Variants in THOC5 observed in about 807,000 individuals in gnomAD.
The protein encoded by THOC5 is THO complex subunit 5, also known as Fms-interacting protein.
THOC5 carries 43 observed loss-of-function variants against 92.9 expected under a neutral mutation model. The ratio of observed to expected loss-of-function variants is 0.46; its 90% CI spans 0.36 to 0.60. The LOEUF (loss-of-function observed/expected upper bound fraction) is 0.60. Among genes scored for constraint, THOC5 ranks in the 20% least tolerant of loss-of-function variants. The probability of loss-of-function intolerance (pLI) is 0.00; values close to 1 mark genes in which losing one functional copy is unlikely to be tolerated. For missense variants in THOC5, 659 were observed against 849.4 expected (o/e 0.78, Z 2.79); for synonymous variants, 296 against 320.1 (o/e 0.92, Z 0.80).
chr22:29,532,605 C>T (rs997661250), intron 7 of THOC5, among the ~76,000 whole-genome samples: 2 of 152,088 alleles, frequency 1.3e-5, no homozygotes, highest in Non-Finnish European at 2.9e-5. Context: ...GTGGAGGTTG[C>T]GGTGAGCCGA....
At position 29,537,690 on chromosome 22, in the gene THOC5, G is replaced by A. The variant is rs142038286; in HGVS notation, c.600-952C>T. Among the ~76,000 whole-genome samples, 1,182 of 152,250 alleles carry A rather than the reference G, an allele frequency of 7.8e-3. 16 individuals carry two copies. The highest frequency in any genetic ancestry group is 0.027 in the Admixed American group (407 of 15,294). The stretch of plus-strand genomic sequence containing the variant: ...GTGAATCACGAGGTCAAGAGGTAGA[G>A]ACCATCCTGGCCAACATGGTGAAAC... On this transcript the variant is annotated intron_variant, in intron 6 of 19. Transcript: ENST00000490103.
At chr22:29,541,591 G>C (rs1042003308) in intron 5 of THOC5, among the ~76,000 whole-genome samples, 13 of 150,956 alleles carry the variant, frequency 8.6e-5, no homozygotes, top group African/African-American at 2.9e-4. Flanking sequence ...ACCGGGTGTG[G>C]TGGCTCACGC....
chr22:29,511,758 G>A (rs2063228149), intron 18 of THOC5, among the ~76,000 whole-genome samples: 1 of 152,180 alleles, frequency 6.6e-6, no homozygotes, highest in Non-Finnish European at 1.5e-5. Flanking sequence ...TTTTATAGGA[G>A]CCCAAGCCAA....
intron 3 of THOC5, 104 bp from the exon 4 acceptor site, chr22:29,543,646 C>A: frequency 3.0e-6 from 2 of 674,770 alleles, no homozygotes; most frequent in Admixed American, 2.6e-5. Flanking sequence ...AAAACGGCAC[C>A]GGAGGGAGCT....
In THOC5 at chr22:29,525,842, C is replaced by A. The variant is rs1166082247; in HGVS notation, c.1171G>T (p.Ala391Ser). 1.9e-6 allele frequency: 3 copies of A among 1,613,442 alleles called. No homozygotes were observed. Among genetic ancestry groups the A allele is most frequent in the South Asian group, 1.1e-5 (1 of 91,056 alleles). ...CCCAGAGCGCCTGCTCAATACCCTG[C>A]ACTGATGGGGGTGATCAGCTCCATG... Reference protein sequence around the residue: ...TAMELITPISAGDLLSPDSVL... With the variant: ...TAMELITPISSGDLLSPDSVL... The change falls in exon 12 of 20, where the codon GCA becomes TCA. Residue 391 changes from alanine (A) to serine (S), a missense_variant. Coordinates refer to ENST00000490103, the MANE Select transcript of THOC5 (RefSeq NM_003678.5).
chr22:29,540,629 G>A (rs1233891179), intron 5 of THOC5, among the ~76,000 whole-genome samples: 2 of 152,186 alleles, frequency 1.3e-5, no homozygotes, highest in African/African-American at 4.8e-5. Context: ...TTCCATTTGG[G>A]TGATGATTAC....
chr22:29,548,953 A>G, intron 2 of THOC5, 99 bp downstream of exon 2: 1 of 1,128,630 alleles, frequency 8.9e-7, no homozygotes, highest in Non-Finnish European at 1.3e-6. Context: ...AAAAAGTTGT[A>G]CCTGGTAGAT....
At chr22:29,549,266 C>T (rs2064093030) in intron 1 of THOC5, 108 bp from the exon 2 acceptor site, 2 of 864,734 alleles carry the variant, frequency 2.3e-6, no homozygotes. Context: ...AGTCATTTAA[C>T]CCCTCAAAGC....
chr22:29,530,842 C>T (rs1253922274), intron 8 of THOC5, among the ~76,000 whole-genome samples: 7 of 152,236 alleles, frequency 4.6e-5, no homozygotes, highest in African/African-American at 1.2e-4. Context: ...GAGCCTGAAA[C>T]GGTTTGCCTA....
intron 8 of THOC5, chr22:29,531,568 G>A: frequency 8.4e-7 from 1 of 1,184,178 alleles, no homozygotes; most frequent in Non-Finnish European, 1.0e-6. Flanking sequence ...AGGCTGCCTG[G>A]GTTCTGCACC....
chr22:29,522,564 A>T (rs1377772998), intron 12 of THOC5, among the ~76,000 whole-genome samples: 1 of 152,128 alleles, frequency 6.6e-6, no homozygotes, highest in Non-Finnish European at 1.5e-5. Context: ...TCTGCAACAT[A>T]TGGCTAAGAC....
At chr22:29,543,630 G>GTGCCGTTTTT in intron 3 of THOC5, 88 bp from the exon 4 acceptor site, 1 of 953,400 alleles carries the variant, frequency 1.0e-6, no homozygotes, top group Non-Finnish European at 1.6e-6. Context: ...TCCTCATCTG[G>GTGCCGTTTTT]GGCCAAAAAC....
chr22:29,534,564 T>G (rs556740639), intron 7 of THOC5: 2 of 152,034 alleles, frequency 1.3e-5, no homozygotes, highest in African/African-American at 2.4e-5. Context: ...TTTTTTTTCT[T>G]GACTCGGGAA....
Position 29,506,042 on chromosome 22 carries a change from T to C in THOC5, c.*2415A>G, listed in dbSNP as rs193232712. 6.6e-4 allele frequency: 100 copies of C among 152,216 alleles called. 2 individuals carry two copies. The highest frequency in any genetic ancestry group is 2.4e-3 in the African/African-American group (99 of 41,504). The allele number at this position is 152,216 out of a possible 1,614,324, so 9.4% of individuals were successfully genotyped here. On this transcript the variant is annotated 3_prime_UTR_variant, in exon 20 of 20. Transcript: ENST00000490103. ...GCCCAGCTAATTTTTGTATTTTTAGTAGAGACGGGGTTTCACCATGTTGGC... is the reference window on the plus strand; with the variant it reads ...GCCCAGCTAATTTTTGTATTTTTAGCAGAGACGGGGTTTCACCATGTTGGC...
intron 5 of THOC5, 96 bp downstream of exon 5, chr22:29,542,763 C>CAAA: frequency 1.1e-5 from 7 of 647,664 alleles, no homozygotes; most frequent in East Asian, 3.7e-5. Context: ...GACTCCGTCT[C>CAAA]AAAAAAAAAA....
chr22:29,524,558 G>A (rs559692327), intron 12 of THOC5, among the ~76,000 whole-genome samples: 1 of 152,272 alleles, frequency 6.6e-6, no homozygotes, highest in East Asian at 1.9e-4. Context: ...GCTCTACCAC[G>A]ATCTGGGGGC....
intron 13 of THOC5, among the ~76,000 whole-genome samples, chr22:29,520,458 C>A (rs1182926562): frequency 6.6e-6 from 1 of 152,062 alleles, no homozygotes; most frequent in South Asian, 2.1e-4. Context: ...TATTGTATCA[C>A]GTATTATTAT....
chr22:29,528,712 C>A (rs930404868), intron 9 of THOC5, among the ~76,000 whole-genome samples: 1 of 152,150 alleles, frequency 6.6e-6, no homozygotes, highest in African/African-American at 2.4e-5. Context: ...TTAGATGGAA[C>A]ACAAGCCCCT....
chr22:29,543,344 T>C (rs532039524), intron 4 of THOC5, 85 bp downstream of exon 4: 23 of 731,518 alleles, frequency 3.1e-5, no homozygotes, highest in Admixed American at 2.6e-4. Flanking sequence ...CGAGACTCTG[T>C]CTCAAAAAAA....
Sources: gnomAD v4.1 joint callset for allele counts (sites outside exome capture counted in the v4.1 genomes callset) on GRCh38, gnomAD v4.1.1 for gene constraint, MANE v1.5 for transcripts, NCBI Gene and HGNC (gene_info 2026-07-23, HGNC 2026-07-21) for gene names.